Variants in RBFOX1 observed in about 807,000 individuals in gnomAD.
RBFOX1 encodes RNA binding fox-1 homolog 1, also known as RNA binding protein fox-1 homolog 1.
In RBFOX1, 8 loss-of-function variants were observed where a neutral mutation model predicts 57.7. The observed-to-expected ratio is 0.14, with a 90% CI of 0.08 to 0.25. The LOEUF (loss-of-function observed/expected upper bound fraction) is 0.25, where lower values mean the gene tolerates loss of function less well. Among genes scored for constraint, RBFOX1 ranks in the 10% least tolerant of loss-of-function variants. RBFOX1 has a pLI of 1.00. For missense variants in RBFOX1, 611 were observed against 548.5 expected, an observed-to-expected ratio of 1.11 and a Z score of -1.14; for synonymous variants, 326 against 222.4, an observed-to-expected ratio of 1.47 and a Z score of -4.15.
intron 3 of RBFOX1, among the ~76,000 whole-genome samples, chr16:6,762,887 G>C (rs2076820666): frequency 6.6e-6 from 1 of 152,082 alleles, no homozygotes; most frequent in Non-Finnish European, 1.5e-5. Flanking sequence ...GGGAGTAAGT[G>C]GGTACAAAGA....
At chr16:7,298,210 T>C (rs1032297621) in intron 4 of RBFOX1, among the ~76,000 whole-genome samples, 1 of 152,060 alleles carries the variant, frequency 6.6e-6, no homozygotes, top group African/African-American at 2.4e-5. Context: ...TTATTATAGT[T>C]GACCCTTCAG....
chr16:5,575,589 C>A (rs138812185), intron 2 of RBFOX1, among the ~76,000 whole-genome samples: 354 of 152,298 alleles, frequency 2.3e-3, no homozygotes, highest in African/African-American at 8.2e-3. Flanking sequence ...CATCCCATGC[C>A]AGCCAGGGTT....
At chr16:6,547,506 G>A (rs542959602) in intron 2 of RBFOX1, among the ~76,000 whole-genome samples, 1 of 152,122 alleles carries the variant, frequency 6.6e-6, no homozygotes. Flanking sequence ...GACAAATTGT[G>A]GTTCTTTTTT....
intron 5 of RBFOX1, among the ~76,000 whole-genome samples, chr16:7,579,510 T>A (rs892824929): frequency 4.6e-5 from 7 of 152,162 alleles, no homozygotes; most frequent in Non-Finnish European, 1.0e-4. Flanking sequence ...TTATTGTCTG[T>A]GTTGCCCTCA....
chr16:6,479,371 T>G (rs1457196001), intron 2 of RBFOX1, among the ~76,000 whole-genome samples: 1 of 152,106 alleles, frequency 6.6e-6, no homozygotes, highest in Non-Finnish European at 1.5e-5. Context: ...GCAGATCTCT[T>G]GAGGACAGGA....
At chr16:7,582,917 G>A (rs1443948985) in intron 6 of RBFOX1, among the ~76,000 whole-genome samples, 1 of 152,146 alleles carries the variant, frequency 6.6e-6, no homozygotes, top group African/African-American at 2.4e-5. Flanking sequence ...CCTAAAACTT[G>A]GCAGTGATCA....
rs17138285 is a variant in RBFOX1 at position 5,658,052 on chromosome 16, A to G, written c.318+59091A>G. Among the ~76,000 whole-genome samples the G allele has an allele frequency of 0.014, 2,140 of 152,118 alleles. 127 individuals carry two copies. In the East Asian group the frequency reaches 0.19, roughly 13 times the overall value. On this transcript the variant is annotated intron_variant, in intron 3 of 19. Coordinates refer to the RBFOX1 transcript ENST00000641259. ...CAGCTAAGGTCTGCAAATTCTTGATACCATTTCGTGATCCAGACTCCAGGG... is the reference window on the plus strand; with the variant it reads ...CAGCTAAGGTCTGCAAATTCTTGATGCCATTTCGTGATCCAGACTCCAGGG...
chr16:6,189,046 G>A (rs2097125623), intron 1 of RBFOX1, among the ~76,000 whole-genome samples: 1 of 152,228 alleles, frequency 6.6e-6, no homozygotes, highest in Non-Finnish European at 1.5e-5. Flanking sequence ...GGGCACAGAT[G>A]CTAAGTCTTC....
At chr16:6,497,875 T>C (rs2095815324) in intron 2 of RBFOX1, among the ~76,000 whole-genome samples, 1 of 151,882 alleles carries the variant, frequency 6.6e-6, no homozygotes, top group African/African-American at 2.4e-5. Context: ...TATTCACAAG[T>C]GTGAGAAAGT....
chr16:5,783,116 C>T (rs904033655), intron 3 of RBFOX1, among the ~76,000 whole-genome samples: 1 of 152,144 alleles, frequency 6.6e-6, no homozygotes, highest in African/African-American at 2.4e-5. Context: ...TTAACTGTCA[C>T]ACCCTCTTTA....
At chr16:7,053,922 C>T (rs567210600) in intron 4 of RBFOX1, among the ~76,000 whole-genome samples, 7 of 152,130 alleles carry the variant, frequency 4.6e-5, no homozygotes, top group Non-Finnish European at 5.9e-5. Flanking sequence ...GGATAGAGCA[C>T]ACATATATAG....
chr16:6,818,113 C>A (rs7201959), intron 3 of RBFOX1, among the ~76,000 whole-genome samples: 2,671 of 152,216 alleles, frequency 0.018, 39 homozygotes, highest in African/African-American at 0.035. Flanking sequence ...ATTTTCCACC[C>A]CTCCCTCTAT....
chr16:7,389,512 C>A (rs1264589727), intron 4 of RBFOX1, among the ~76,000 whole-genome samples: 1 of 152,146 alleles, frequency 6.6e-6, no homozygotes, highest in Non-Finnish European at 1.5e-5. Context: ...GACTCCAGGA[C>A]CAAAGATATC....
At chr16:5,479,339 G>A (rs570414250) in intron 2 of RBFOX1, among the ~76,000 whole-genome samples, 92 of 152,302 alleles carry the variant, frequency 6.0e-4, no homozygotes, top group Admixed American at 3.7e-3. Context: ...GAAGTCAGGT[G>A]ATTTGCCTGA....
chr16:6,570,441 A>C (rs2097329245), intron 2 of RBFOX1, among the ~76,000 whole-genome samples: 1 of 152,216 alleles, frequency 6.6e-6, no homozygotes, highest in African/African-American at 2.4e-5. Context: ...CTTAATACTG[A>C]GTTAATACAC....
intron 4 of RBFOX1, among the ~76,000 whole-genome samples, chr16:7,322,485 G>A (rs1027903866): frequency 1.6e-4 from 24 of 152,244 alleles, no homozygotes; most frequent in African/African-American, 5.1e-4. Context: ...CCTGCCCTTA[G>A]TAGAAAGTAC....
At chr16:6,559,191 A>ACACACT (rs1157473849) in intron 2 of RBFOX1, among the ~76,000 whole-genome samples, 9 of 152,150 alleles carry the variant, frequency 5.9e-5, no homozygotes, top group Middle Eastern at 3.4e-3. Flanking sequence ...ATACACAAAC[A>ACACACT]CACACTCACA....
chr16:6,960,159 A>T (rs929487619), intron 3 of RBFOX1, among the ~76,000 whole-genome samples: 4 of 152,074 alleles, frequency 2.6e-5, no homozygotes, highest in Admixed American at 2.0e-4. Context: ...TGGGTTTCTA[A>T]AGGAACTCCC....
At chr16:7,222,717 C>G (rs1360571578) in intron 4 of RBFOX1, among the ~76,000 whole-genome samples, 1 of 152,148 alleles carries the variant, frequency 6.6e-6, no homozygotes, top group Non-Finnish European at 1.5e-5. Context: ...CAGGTGTAAG[C>G]CAATGCCTGA....
Sources: gnomAD v4.1 joint callset for allele counts (sites outside exome capture counted in the v4.1 genomes callset) on GRCh38, gnomAD v4.1.1 for gene constraint, MANE v1.5 for transcripts, NCBI Gene and HGNC (gene_info 2026-07-23, HGNC 2026-07-21) for gene names.